Variants in KYNU observed in about 807,000 individuals in gnomAD.
KYNU encodes kynureninase.
A neutral mutation model predicts 59.2 loss-of-function variants in KYNU; 54 were observed. The ratio of observed to expected loss-of-function variants is 0.91; its 90% CI spans 0.73 to 1.14. The LOEUF (loss-of-function observed/expected upper bound fraction) is 1.14. Ranked by LOEUF, KYNU falls within the 50% of genes most tolerant of loss-of-function variation. The pLI is 0.00. For synonymous variants in KYNU, 177 were observed against 192.0 expected, an observed-to-expected ratio of 0.92 and a Z score of 0.65; for missense variants, 567 against 554.4, an observed-to-expected ratio of 1.02 and a Z score of -0.23.
At chr2:142,960,421 CTT>C (rs1231698240) in intron 7 of KYNU, among the ~76,000 whole-genome samples, 1 of 151,976 alleles carries the variant, frequency 6.6e-6, no homozygotes, top group African/African-American at 2.4e-5. Flanking sequence ...TGAAAAAACA[CTT>C]TTTACTTTTT....
At chr2:142,999,185 T>C (rs575472984) in intron 10 of KYNU, among the ~76,000 whole-genome samples, 1 of 152,266 alleles carries the variant, frequency 6.6e-6, no homozygotes, top group East Asian at 1.9e-4. Context: ...TTGCATTTTC[T>C]GTGAATATCC....
At position 142,898,676 on chromosome 2, in the gene KYNU, C is replaced by T. The variant is rs527889824; in HGVS notation, c.169+13140C>T. 2.2e-4 allele frequency among the ~76,000 whole-genome samples: 34 copies of T among 152,250 alleles called. 1 individual carries two copies. The South Asian group carries it at 4.4e-3, about 20-fold the overall frequency. Reference sequence around the variant, plus strand: ...TGAAATTAATCAGTGGGAATACTGACGCTCTTACCTGTGGGTCTTTGTTCT... The same window carrying T: ...TGAAATTAATCAGTGGGAATACTGATGCTCTTACCTGTGGGTCTTTGTTCT... On this transcript the variant is annotated intron_variant, in intron 2 of 13. Coordinates refer to ENST00000264170, the MANE Select transcript of KYNU (RefSeq NM_003937.3).
chr2:142,939,743 G>T (rs1464066665), intron 4 of KYNU, among the ~76,000 whole-genome samples: 1 of 151,398 alleles, frequency 6.6e-6, no homozygotes. Flanking sequence ...TTAAAAATAA[G>T]TAAATAGAAA....
chr2:142,918,870 G>T, intron 3 of KYNU, 141 bp downstream of exon 3: 1 of 938,792 alleles, frequency 1.1e-6, no homozygotes, highest in African/African-American at 1.7e-5. Flanking sequence ...ATTAGTTCCA[G>T]GGCCTCCCTA....
chr2:142,900,334 G>A (rs547719616), intron 2 of KYNU, among the ~76,000 whole-genome samples: 2 of 152,274 alleles, frequency 1.3e-5, no homozygotes, highest in South Asian at 2.1e-4. Context: ...AGGTCAAGCC[G>A]TAACAAACAC....
At chr2:143,038,725 C>A (rs1253858821) in intron 12 of KYNU, among the ~76,000 whole-genome samples, 1 of 152,052 alleles carries the variant, frequency 6.6e-6, no homozygotes, top group Non-Finnish European at 1.5e-5. Flanking sequence ...TTCAGCCAAT[C>A]CATAGCCTCT....
intron 10 of KYNU, among the ~76,000 whole-genome samples, chr2:142,995,299 G>C (rs535511906): frequency 2.0e-5 from 3 of 152,090 alleles, no homozygotes; most frequent in African/African-American, 7.2e-5. Context: ...TTATGACTAT[G>C]CTTATCATAC....
intron 8 of KYNU, among the ~76,000 whole-genome samples, chr2:142,984,108 T>A (rs1230038303): frequency 1.3e-5 from 2 of 152,076 alleles, no homozygotes; most frequent in African/African-American, 4.8e-5. Context: ...TTCTGTACTT[T>A]ATTATATTAA....
chr2:142,882,653 A>G lies in KYNU; in HGVS notation c.-19-2696A>G, dbSNP rs571519161. ...CTTCATCCATGTTGCTGCAAAGGAC[A>G]TGAACTCATCCTTTTTTATGGCTGC... On this transcript the variant is annotated intron_variant, in intron 1 of 13. Coordinates refer to ENST00000264170, the MANE Select transcript of KYNU (RefSeq NM_003937.3). Among the ~76,000 whole-genome samples the G allele has an allele frequency of 4.6e-5, 7 of 152,336 alleles. No homozygotes were observed. The South Asian group carries it at 1.4e-3, about 32-fold the overall frequency.
chr2:142,993,141 A>G (rs1685450426), intron 10 of KYNU, among the ~76,000 whole-genome samples: 5 of 152,034 alleles, frequency 3.3e-5, no homozygotes. Context: ...ATTGAAAACT[A>G]AAATTGTTGC....
chr2:142,926,974 T>C (rs1461981898), intron 3 of KYNU, among the ~76,000 whole-genome samples: 2 of 152,246 alleles, frequency 1.3e-5, no homozygotes, highest in Admixed American at 1.3e-4. Flanking sequence ...TAATTTCTTC[T>C]ATGTTTTTCA....
chr2:142,960,635 C>G lies in KYNU; in HGVS notation c.594C>G (p.Thr198=). Residue 198 remains threonine (T), a synonymous_variant, in exon 8 of 14, where the codon ACC becomes ACG. Coordinates refer to ENST00000264170, the MANE Select transcript of KYNU (RefSeq NM_003937.3). ...CTAACTTGATTTAGGGGGAAGAAAC[C>G]TTAAGAATAGAGGATATCCTTGAAG... ...RMIKPREGEE[T]LRIEDILEVI... is the part of the protein sequence containing the mutation. 6.2e-7 allele frequency: 1 copy of G among 1,613,476 alleles called. No homozygotes were observed. Among genetic ancestry groups the G allele is most frequent in the Non-Finnish European group, 8.5e-7 (1 of 1,179,618 alleles).
At position 143,044,419 on chromosome 2, in the gene KYNU, A is replaced by G. The variant is rs1687131736; in HGVS notation, c.*2247A>G. The stretch of plus-strand genomic sequence containing the variant: ...TCGAGGAATTGCCACACTGTCTTCC[A>G]CAATGGTTGAACTAATTTATACTCC... On this transcript the variant is annotated 3_prime_UTR_variant, in exon 14 of 14. Transcript: ENST00000264170. 1 of 152,242 alleles carries G rather than the reference A, an allele frequency of 6.6e-6. No individual in the cohort carries two copies. The highest frequency in any genetic ancestry group is 2.1e-4 in the South Asian group (1 of 4,832). 9.4% of individuals were successfully genotyped at this position (152,242 alleles called of 1,614,324 possible).
At chr2:143,036,384 C>T (rs189025397) in intron 12 of KYNU, among the ~76,000 whole-genome samples, 76 of 151,974 alleles carry the variant, frequency 5.0e-4, no homozygotes, top group Admixed American at 1.8e-3. Flanking sequence ...GTATTTGTCC[C>T]GATTGGCTAG....
At chr2:142,945,223 T>G (rs1683735006) in intron 4 of KYNU, among the ~76,000 whole-genome samples, 1 of 152,246 alleles carries the variant, frequency 6.6e-6, no homozygotes, top group African/African-American at 2.4e-5. Context: ...TATTTGATAG[T>G]ATTTTACTCA....
chr2:142,896,248 A>G (rs930709332), intron 2 of KYNU, among the ~76,000 whole-genome samples: 5 of 152,206 alleles, frequency 3.3e-5, no homozygotes, highest in African/African-American at 1.2e-4. Flanking sequence ...TTGCATTGCC[A>G]CCAGTAATGT....
At position 142,882,695 on chromosome 2, in the gene KYNU, T is replaced by C. The variant is rs1681345174; in HGVS notation, c.-19-2654T>C. On this transcript the variant is annotated intron_variant, in intron 1 of 13. Coordinates refer to ENST00000264170, the MANE Select transcript of KYNU (RefSeq NM_003937.3). ...TATGGCTGCATAGTATTCCATGGTGTATATGTGTCACATTTTCTTAATCCA... is the reference window on the plus strand; with the variant it reads ...TATGGCTGCATAGTATTCCATGGTGCATATGTGTCACATTTTCTTAATCCA... Among the ~76,000 whole-genome samples the C allele has an allele frequency of 1.3e-5, 2 of 152,250 alleles. 1 individual carries two copies. Among genetic ancestry groups the C allele is most frequent in the Admixed American group, 1.3e-4 (2 of 15,290 alleles).
intron 10 of KYNU, among the ~76,000 whole-genome samples, chr2:143,015,494 A>C (rs532853192): frequency 9.2e-5 from 14 of 152,258 alleles, no homozygotes; most frequent in African/African-American, 3.1e-4. Flanking sequence ...ATCAGTACTT[A>C]AATGCTGGAT....
chr2:142,971,170 G>A (rs1361931567), intron 8 of KYNU: 1 of 152,074 alleles, frequency 6.6e-6, no homozygotes, highest in Non-Finnish European at 1.5e-5. Flanking sequence ...CATTCCTATA[G>A]GTGGCAACAC....
Sources: gnomAD v4.1 joint callset for allele counts (sites outside exome capture counted in the v4.1 genomes callset) on GRCh38, gnomAD v4.1.1 for gene constraint, MANE v1.5 for transcripts, NCBI Gene and HGNC (gene_info 2026-07-23, HGNC 2026-07-21) for gene names.